Variants in RNF114 observed in about 807,000 individuals in gnomAD.
RNF114 encodes the protein E3 ubiquitin-protein ligase RNF114.
RNF114 carries 6 observed loss-of-function variants against 28.4 expected under a neutral mutation model. The ratio of observed to expected loss-of-function variants is 0.21; its 90% CI spans 0.12 to 0.42. RNF114 has a LOEUF of 0.42. RNF114 is among the 10% of genes least tolerant of loss of function. The pLI is 1.00. For missense variants in RNF114, 249 were observed against 311.7 expected (o/e 0.80, Z 1.51); for synonymous variants, 115 against 116.7 (o/e 0.99, Z 0.09).
Position 49,953,618 on chromosome 20 carries a change from G to C in RNF114, c.*1477G>C, listed in dbSNP as rs1240079222. 6.6e-6 allele frequency: 1 copy of C among 152,104 alleles called. No homozygotes were observed. The highest frequency in any genetic ancestry group is 1.5e-5 in the Non-Finnish European group (1 of 68,018). The allele number at this position is 152,104 out of a possible 1,614,324, so 9.4% of individuals were successfully genotyped here. A position where few individuals can be genotyped will look rare whatever the true frequency, so the allele number is the denominator to read the frequency against. Reference sequence around the variant, plus strand: ...CGGGAGGACCCAAAAGTTAAGGTCAGCTTGTTCACTGTAATTTCTGGAAGA... The same window carrying C: ...CGGGAGGACCCAAAAGTTAAGGTCACCTTGTTCACTGTAATTTCTGGAAGA... On this transcript the variant is annotated 3_prime_UTR_variant, in exon 6 of 6. Transcript: ENST00000244061.
chr20:49,952,360 T>C lies in RNF114; in HGVS notation c.*219T>C. 1.8e-6 allele frequency: 1 copy of C among 556,544 alleles called. No homozygotes were observed. Among genetic ancestry groups the C allele is most frequent in the South Asian group, 2.4e-5 (1 of 41,396 alleles). 34.5% of individuals were successfully genotyped at this position (556,544 alleles called of 1,614,324 possible). On this transcript the variant is annotated 3_prime_UTR_variant, in exon 6 of 6. Transcript: ENST00000244061. ...CTGTCTTCCCCTACTGTTAACCTTG[T>C]TTGTCACACGGTCGAGTTCGTATTG...
At chr20:49,948,228 G>T (rs1341902081) in intron 4 of RNF114, among the ~76,000 whole-genome samples, 2 of 152,054 alleles carry the variant, frequency 1.3e-5, no homozygotes, top group African/African-American at 2.4e-5. Context: ...TACCATTCCA[G>T]ATTTCTCTCT....
At chr20:49,936,623 G>A in intron 1 of RNF114, 71 bp downstream of exon 1, 1 of 1,525,514 alleles carries the variant, frequency 6.6e-7, no homozygotes, top group Non-Finnish European at 8.8e-7. Flanking sequence ...GAGCGAGATG[G>A]GTCTCAGGGC....
chr20:49,942,218 C>T (rs980812708), intron 2 of RNF114, among the ~76,000 whole-genome samples: 10 of 152,032 alleles, frequency 6.6e-5, no homozygotes, highest in African/African-American at 2.2e-4. Flanking sequence ...ATGATCATGC[C>T]ACTGCACTCC....
intron 1 of RNF114, among the ~76,000 whole-genome samples, chr20:49,937,692 T>TC (rs1182156154): frequency 6.6e-6 from 1 of 152,076 alleles, no homozygotes; most frequent in East Asian, 1.9e-4. Flanking sequence ...CTGGAACTCT[T>TC]CCCCCCACCC....
chr20:49,953,538 A>G lies in RNF114; in HGVS notation c.*1397A>G, dbSNP rs2146862454. ...CCGGTGAAGAGCTGCAGATGCCGAGAAGCCAGCAAACACAGGGCCCACTGG... is the reference window on the plus strand; with the variant it reads ...CCGGTGAAGAGCTGCAGATGCCGAGGAGCCAGCAAACACAGGGCCCACTGG... On this transcript the variant is annotated 3_prime_UTR_variant, in exon 6 of 6. Coordinates refer to ENST00000244061, the MANE Select transcript of RNF114 (RefSeq NM_018683.4). 6.6e-6 allele frequency: 1 copy of G among 152,314 alleles called. No homozygotes were observed. The highest frequency in any genetic ancestry group is 2.1e-4 in the South Asian group (1 of 4,822). The allele number at this position is 152,314 out of a possible 1,614,324, so 9.4% of individuals were successfully genotyped here.
chr20:49,936,478 C>T lies in RNF114; in HGVS notation c.66C>T (p.Asp22=), dbSNP rs754728546. 2 of 1,555,212 alleles carry T rather than the reference C, an allele frequency of 1.3e-6. No individual in the cohort carries two copies. The highest frequency in any genetic ancestry group is 1.4e-5 in the African/African-American group (1 of 71,996). ...AQLAGPAAEA[D]PLGRFTCPVC... ...TGGCGGGGCCGGCGGCGGAGGCTGACCCCCTAGGACGCTTCACGTGTCCCG... is the reference window on the plus strand; with the variant it reads ...TGGCGGGGCCGGCGGCGGAGGCTGATCCCCTAGGACGCTTCACGTGTCCCG... The change falls in exon 1 of 6, where the codon GAC becomes GAT. Residue 22 remains aspartate, a synonymous_variant. Transcript: ENST00000244061.
chr20:49,944,014 C>T (rs2090319089), intron 2 of RNF114: 1 of 151,588 alleles, frequency 6.6e-6, no homozygotes, highest in Non-Finnish European at 1.5e-5. Context: ...AGGCATGAGC[C>T]ATTGCACCCG....
Position 49,940,697 on chromosome 20 carries a change from G to A in RNF114, c.141-864G>A, listed in dbSNP as rs545045987. Reference sequence around the variant, plus strand: ...CAAAGTGCTGGGATTACAGGCATGAGCCACCGCGCCTGGCTGAGCTGAACC... The same window carrying A: ...CAAAGTGCTGGGATTACAGGCATGAACCACCGCGCCTGGCTGAGCTGAACC... On this transcript the variant is annotated intron_variant, in intron 1 of 5. Transcript: ENST00000244061. Among the ~76,000 whole-genome samples, 16 of 152,038 alleles carry A rather than the reference G, an allele frequency of 1.1e-4. No individual in the cohort carries two copies. In the South Asian group the frequency reaches 2.7e-3, roughly 26 times the overall value.
intron 2 of RNF114, among the ~76,000 whole-genome samples, chr20:49,942,805 T>C (rs1296172126): frequency 6.6e-6 from 1 of 152,080 alleles, no homozygotes; most frequent in African/African-American, 2.4e-5. Context: ...TCCTGGGTGA[T>C]AGAGCCGGAC....
At chr20:49,951,963 G>A (rs577430157) in intron 5 of RNF114, 113 bp from the exon 6 acceptor site, 16 of 744,396 alleles carry the variant, frequency 2.1e-5, no homozygotes, top group Middle Eastern at 2.4e-4. Context: ...CTGGGGATCC[G>A]GTCCCTGGCA....
intron 2 of RNF114, chr20:49,944,007 C>T (rs55992502): frequency 0.037 from 5,610 of 151,758 alleles, 145 homozygotes; most frequent in East Asian, 0.093. Context: ...GGATTATAGG[C>T]ATGAGCCATT....
At chr20:49,949,387 C>A in intron 5 of RNF114, 32 bp downstream of exon 5, 1 of 1,561,550 alleles carries the variant, frequency 6.4e-7, no homozygotes, top group Non-Finnish European at 8.8e-7. Flanking sequence ...TGATCCCTCC[C>A]CTGGGGGAGT....
chr20:49,951,750 C>T (rs1404869608), intron 5 of RNF114, among the ~76,000 whole-genome samples: 2 of 152,180 alleles, frequency 1.3e-5, no homozygotes, highest in Non-Finnish European at 2.9e-5. Flanking sequence ...TGGTGGCGCA[C>T]GCCTGTTAGT....
chr20:49,939,168 T>A (rs2090298081), intron 1 of RNF114, among the ~76,000 whole-genome samples: 2 of 152,226 alleles, frequency 1.3e-5, no homozygotes, highest in Non-Finnish European at 2.9e-5. Flanking sequence ...CCCCAGCTGG[T>A]CTGTTTGCCA....
chr20:49,937,604 A>G (rs1011729606), intron 1 of RNF114, among the ~76,000 whole-genome samples: 1 of 152,192 alleles, frequency 6.6e-6, no homozygotes, highest in African/African-American at 2.4e-5. Flanking sequence ...AGTCCAGAGA[A>G]CAGTGCTTGG....
chr20:49,953,146 A>T lies in RNF114; in HGVS notation c.*1005A>T, dbSNP rs1285892171. 6.6e-6 allele frequency: 1 copy of T among 152,176 alleles called. No individual in the cohort carries two copies. The highest frequency in any genetic ancestry group is 1.5e-5 in the Non-Finnish European group (1 of 68,046). 9.4% of individuals were successfully genotyped at this position (152,176 alleles called of 1,614,324 possible). A position where few individuals can be genotyped will look rare whatever the true frequency, so the allele number is the denominator to read the frequency against. ...TTTTCCTTATGACACTGGTTTCGACATGTAAAATGTGTTTGAAAACCTGCT... is the reference window on the plus strand; with the variant it reads ...TTTTCCTTATGACACTGGTTTCGACTTGTAAAATGTGTTTGAAAACCTGCT... On this transcript the variant is annotated 3_prime_UTR_variant, in exon 6 of 6. Transcript: ENST00000244061.
At position 49,946,142 on chromosome 20, in the gene RNF114, T is replaced by G; in HGVS notation, c.405T>G (p.Val135=). Residue 135 remains valine, a synonymous_variant, in exon 4 of 6, where the codon GTT becomes GTG. Transcript: ENST00000244061. ...CCTGTGTTTCACCTTCCAGGAATGT[T>G]CCAAACCGTTACACCTTTCCTTGTC... ...IKDASLQPRN[V]PNRYTFPCPY... 6.3e-7 allele frequency: 1 copy of G among 1,588,842 alleles called. No individual in the cohort carries two copies. The highest frequency in any genetic ancestry group is 1.4e-5 in the African/African-American group (1 of 73,508).
intron 2 of RNF114, among the ~76,000 whole-genome samples, chr20:49,943,432 G>A (rs1349163015): frequency 1.3e-5 from 2 of 151,996 alleles, no homozygotes; most frequent in East Asian, 1.9e-4. Flanking sequence ...GAGCCCAGAA[G>A]TTTGAGAGCA....
Sources: gnomAD v4.1 joint callset for allele counts (sites outside exome capture counted in the v4.1 genomes callset) on GRCh38, gnomAD v4.1.1 for gene constraint, MANE v1.5 for transcripts, NCBI Gene and HGNC (gene_info 2026-07-23, HGNC 2026-07-21) for gene names.